COL27A1: variants seen among roughly 807,000 people sequenced by gnomAD.
COL27A1 encodes collagen alpha-1(XXVII) chain.
A neutral mutation model predicts 251.3 loss-of-function variants in COL27A1; 106 were observed. The ratio of observed to expected loss-of-function variants is 0.42; its 90% CI spans 0.36 to 0.50. The LOEUF is 0.50. Among genes scored for constraint, COL27A1 ranks in the 20% least tolerant of loss-of-function variants. COL27A1 has a pLI of 0.00. For missense variants in COL27A1, 2,325 were observed against 2,522.8 expected (o/e 0.92, Z 1.68); for synonymous variants, 1,000 against 986.3 (o/e 1.01, Z -0.26).
Position 114,275,729 on chromosome 9 carries a change from G to A in COL27A1, c.3678G>A (p.Glu1226=). The A allele has an allele frequency of 6.5e-7, 1 of 1,549,816 alleles. No individual in the cohort carries two copies. The highest frequency in any genetic ancestry group is 8.7e-7 in the Non-Finnish European group (1 of 1,146,770). ...GEKGQEGLMG[E]DGPPGPPGVT... The stretch of plus-strand genomic sequence containing the variant: ...AAGGCCAGGAAGGGCTGATGGGTGA[G>A]GACGGGCCCCCCGGCCCCCCTGGCG... The change falls in exon 37 of 61, where the codon GAG becomes GAA. Residue 1226 remains glutamate, a synonymous_variant. Coordinates refer to ENST00000356083, the MANE Select transcript of COL27A1 (RefSeq NM_032888.4).
chr9:114,228,814 ATTTC>A (rs1831708035), intron 14 of COL27A1, among the ~76,000 whole-genome samples: 1 of 151,984 alleles, frequency 6.6e-6, no homozygotes. Context: ...TGAAAGCAGA[ATTTC>A]TTTCTCTCTC....
chr9:114,250,613 A>G lies in COL27A1; in HGVS notation c.2980-2A>G, dbSNP rs2135522530. On this transcript the variant is annotated splice_acceptor_variant, in intron 24 of 60. Transcript: ENST00000356083. LOFTEE classifies it high-confidence loss of function. Reference sequence around the variant, plus strand: ...TCTTGCTTTCGGGAATGTGTCTCATAGGGATTTATGGGATTCATTGGTCTG... The same window carrying G: ...TCTTGCTTTCGGGAATGTGTCTCATGGGGATTTATGGGATTCATTGGTCTG... The G allele has an allele frequency of 6.2e-7, 1 of 1,611,506 alleles. No homozygotes were observed. The highest frequency in any genetic ancestry group is 8.5e-7 in the Non-Finnish European group (1 of 1,177,790).
rs776844835 is a variant in COL27A1 at position 114,231,881 on chromosome 9, C to G, written c.2565+15C>G. On this transcript the variant is annotated intron_variant, in intron 16 of 60. Coordinates refer to ENST00000356083, the MANE Select transcript of COL27A1 (RefSeq NM_032888.4). ...AAGGTGATAAGGTGATCTGAATACT[C>G]CCTTATTGCACTGTGGTTTCTCTGC... 1 of 1,612,382 alleles carries G rather than the reference C, an allele frequency of 6.2e-7. No homozygotes were observed. Among genetic ancestry groups the G allele is most frequent in the African/African-American group, 1.3e-5 (1 of 74,868 alleles).
chr9:114,157,075 A>AACAC (rs150446535), intron 1 of COL27A1, among the ~76,000 whole-genome samples: 2,323 of 117,468 alleles, frequency 0.02, 51 homozygotes, highest in African/African-American at 0.054. Flanking sequence ...CCCTCACCAC[A>AACAC]ACACACACAC....
rs751297468 is a variant in COL27A1, at chr9:114,194,508, TG to T, written c.2070+52del. The stretch of plus-strand genomic sequence containing the variant: ...CAGGGAAGAGGGGAGTGGATGATAG[TG>T]AAATTGCCACACTTTAAAGCTAGCT... On this transcript the variant is annotated intron_variant, in intron 6 of 60. Coordinates refer to ENST00000356083, the MANE Select transcript of COL27A1 (RefSeq NM_032888.4). 3 of 1,490,310 alleles carry T rather than the reference TG, an allele frequency of 2.0e-6. No individual in the cohort carries two copies. In the South Asian group the frequency reaches 3.5e-5, roughly 17 times the overall value. The allele number at this position is 1,490,310 out of a possible 1,614,324, so 92.3% of individuals were successfully genotyped here.
At chr9:114,197,012 G>A (rs1470845706) in intron 7 of COL27A1, among the ~76,000 whole-genome samples, 2 of 152,190 alleles carry the variant, frequency 1.3e-5, no homozygotes, top group Non-Finnish European at 2.9e-5. Flanking sequence ...TGCAAATCTG[G>A]TTTATTGCTC....
At chr9:114,284,861 G>A in intron 41 of COL27A1, 84 bp downstream of exon 41, 1 of 1,484,478 alleles carries the variant, frequency 6.7e-7, no homozygotes, top group Non-Finnish European at 9.4e-7. Flanking sequence ...GAAAGCCCCT[G>A]GGGTACCCAT....
In COL27A1 at chr9:114,165,058, G is replaced by A. The variant is rs1284058641; in HGVS notation, c.133+2273G>A. ...AGACACTTAAGCAGAGTTACTCAATGTGGGGCTTGGGTGAAGATGATGAGG... is the reference window on the plus strand; with the variant it reads ...AGACACTTAAGCAGAGTTACTCAATATGGGGCTTGGGTGAAGATGATGAGG... On this transcript the variant is annotated intron_variant, in intron 2 of 60. Coordinates refer to ENST00000356083, the MANE Select transcript of COL27A1 (RefSeq NM_032888.4). 2.6e-5 allele frequency among the ~76,000 whole-genome samples: 4 copies of A among 152,200 alleles called. 1 individual carries two copies. The highest frequency in any genetic ancestry group is 1.3e-4 in the Admixed American group (2 of 15,286).
chr9:114,265,042 A>C (rs1242950136), intron 30 of COL27A1, 24 bp from the exon 31 acceptor site: 1 of 1,613,354 alleles, frequency 6.2e-7, no homozygotes, highest in African/African-American at 1.3e-5. Context: ...CTGAGCCTGT[A>C]ATGACCCCCA....
At chr9:114,180,692 C>A (rs1222071440) in intron 4 of COL27A1, among the ~76,000 whole-genome samples, 5 of 152,192 alleles carry the variant, frequency 3.3e-5, no homozygotes, top group Non-Finnish European at 7.3e-5. Flanking sequence ...TCCACATATT[C>A]CCCCAGCCCA....
intron 11 of COL27A1, 28 bp from the exon 12 acceptor site, chr9:114,210,954 T>A: frequency 6.2e-7 from 1 of 1,613,854 alleles, no homozygotes; most frequent in Non-Finnish European, 8.5e-7. Flanking sequence ...CATCCTGCCC[T>A]GACCTCTCCC....
At chr9:114,194,911 G>C (rs1829005842) in intron 6 of COL27A1, among the ~76,000 whole-genome samples, 1 of 152,162 alleles carries the variant, frequency 6.6e-6, no homozygotes, top group Admixed American at 6.5e-5. Context: ...AGAGATTCAG[G>C]GCTCCCTAAC....
At chr9:114,171,631 T>C (rs1303757401) in intron 3 of COL27A1, among the ~76,000 whole-genome samples, 1 of 151,688 alleles carries the variant, frequency 6.6e-6, no homozygotes, top group Admixed American at 6.6e-5. Context: ...GTCCGGCTAA[T>C]TTTTTCACTT....
intron 12 of COL27A1, among the ~76,000 whole-genome samples, chr9:114,216,688 G>A (rs998506600): frequency 6.6e-6 from 1 of 152,126 alleles, no homozygotes. Context: ...CACCTTTAAA[G>A]CTCTTTTTTC....
At chr9:114,277,635 C>T (rs1306738955) in intron 37 of COL27A1, among the ~76,000 whole-genome samples, 1 of 152,204 alleles carries the variant, frequency 6.6e-6, no homozygotes, top group Non-Finnish European at 1.5e-5. Context: ...TACGAGGGCG[C>T]TGAGTCAGCC....
chr9:114,237,147 C>T, intron 18 of COL27A1, 113 bp downstream of exon 18: 1 of 1,053,668 alleles, frequency 9.5e-7, no homozygotes. Context: ...AGCAGAGCTC[C>T]TGGGGGCAAG....
chr9:114,166,398 C>CCATCCATCCAT (rs1347413059), intron 2 of COL27A1, among the ~76,000 whole-genome samples: 64,406 of 144,496 alleles, frequency 0.45, 14,824 homozygotes, highest in South Asian at 0.55. Flanking sequence ...CATCCATCCA[C>CCATCCATCCAT]CCACCCACCT....
At chr9:114,155,345 C>T (rs559874698), upstream of COL27A1, among the ~76,000 whole-genome samples, 35 of 152,224 alleles carry the variant, frequency 2.3e-4, 1 homozygote, top group South Asian at 4.8e-3. The surrounding 1 kb of genome is among the most constrained non-coding windows in gnomAD (Gnocchi z 5.5). Flanking sequence ...AATCTGTTTC[C>T]CCATCTATAC....
intron 58 of COL27A1, chr9:114,306,947 G>C (rs1386356324): frequency 4.7e-6 from 2 of 427,550 alleles, no homozygotes; most frequent in Non-Finnish European, 8.4e-6. Context: ...CACCCCTGGG[G>C]CCCATCCTGT....
Sources: gnomAD v4.1 joint callset for allele counts (sites outside exome capture counted in the v4.1 genomes callset) on GRCh38, gnomAD v4.1.1 for gene constraint, Gnocchi (gnomAD v3.1) non-coding constraint, MANE v1.5 for transcripts, NCBI Gene and HGNC (gene_info 2026-07-23, HGNC 2026-07-21) for gene names.